Variants in DCLK1 observed in about 807,000 individuals in gnomAD.
DCLK1 encodes the protein serine/threonine-protein kinase DCLK1.
A neutral mutation model predicts 86.2 loss-of-function variants in DCLK1; 16 were observed. The ratio of observed to expected loss-of-function variants is 0.19; its 90% CI spans 0.13 to 0.28. The LOEUF (loss-of-function observed/expected upper bound fraction) is 0.28, where lower values mean the gene tolerates loss of function less well. Among genes scored for constraint, DCLK1 ranks in the 10% least tolerant of loss-of-function variants. DCLK1 has a pLI of 1.00. For missense variants in DCLK1, 590 were observed against 940.2 expected (o/e 0.63, Z 4.87); for synonymous variants, 369 against 370.5 (o/e 1.00, Z 0.05).
chr13:35,919,187 C>T lies in DCLK1; in HGVS notation c.823+28171G>A, dbSNP rs534148620. On this transcript the variant is annotated intron_variant, in intron 4 of 16. Coordinates refer to ENST00000360631, the MANE Select transcript of DCLK1 (RefSeq NM_001330071.2). ...GATTACAGCCATCAGCCACCACACT[C>T]GGCCCCCAAGAGTTTTAAAACAAGT... 3.4e-3 allele frequency among the ~76,000 whole-genome samples: 517 copies of T among 152,158 alleles called. 2 individuals are homozygous for T. The highest frequency in any genetic ancestry group is 5.1e-3 in the Non-Finnish European group (347 of 67,998).
chr13:36,125,837 A>G lies in DCLK1; in HGVS notation c.301T>C (p.Leu101=). 1 of 1,612,692 alleles carries G rather than the reference A, an allele frequency of 6.2e-7. No individual in the cohort carries two copies. The highest frequency in any genetic ancestry group is 8.5e-7 in the Non-Finnish European group (1 of 1,179,500). The stretch of plus-strand genomic sequence containing the variant: ...TAGATTGTTCTCACTCCCTGGGGCA[A>G]ATTCACGTTATCCGACAGAGTTCGG... ...LTRTLSDNVN[L]PQGVRTIYTI... is the part of the protein sequence containing the mutation. The change falls in exon 2 of 17, where the codon TTG becomes CTG. Residue 101 remains leucine (L), a synonymous_variant. Coordinates refer to ENST00000360631, the MANE Select transcript of DCLK1 (RefSeq NM_001330071.2).
At chr13:35,800,883 A>ATTTTTTT (rs34873101) in intron 15 of DCLK1, among the ~76,000 whole-genome samples, 1 of 135,298 alleles carries the variant, frequency 7.4e-6, no homozygotes, top group African/African-American at 2.8e-5. Context: ...TGCTGGGCTA[A>ATTTTTTT]TTTTTTTTTT....
At chr13:36,027,706 C>A (rs938839808) in intron 3 of DCLK1, among the ~76,000 whole-genome samples, 1 of 152,124 alleles carries the variant, frequency 6.6e-6, no homozygotes, top group Non-Finnish European at 1.5e-5. Flanking sequence ...TTAGCTGGGG[C>A]AATCAAATAT....
chr13:35,851,981 G>GTGCA (rs1294060186), intron 6 of DCLK1, among the ~76,000 whole-genome samples: 1 of 148,334 alleles, frequency 6.7e-6, no homozygotes, highest in East Asian at 2.0e-4. Flanking sequence ...GCGCGCGTGT[G>GTGCA]TGCATGTGTG....
chr13:36,053,816 G>C (rs909201250), intron 3 of DCLK1, among the ~76,000 whole-genome samples: 3 of 151,950 alleles, frequency 2.0e-5, no homozygotes, highest in South Asian at 4.1e-4. Flanking sequence ...AGATATCTAG[G>C]GGAAGAGATA....
At chr13:35,879,283 C>G (rs1872751427) in intron 4 of DCLK1, among the ~76,000 whole-genome samples, 1 of 152,178 alleles carries the variant, frequency 6.6e-6, no homozygotes, top group Non-Finnish European at 1.5e-5. Flanking sequence ...TTCCAGAACA[C>G]CCAGCTCAGT....
chr13:36,004,604 T>C (rs1236587253), intron 3 of DCLK1, among the ~76,000 whole-genome samples: 2 of 152,236 alleles, frequency 1.3e-5, no homozygotes, highest in African/African-American at 2.4e-5. Context: ...TTGTTTTGTT[T>C]CTTTTTTGAT....
chr13:35,847,767 G>C, intron 6 of DCLK1: 1 of 985,148 alleles, frequency 1.0e-6, no homozygotes, highest in Non-Finnish European at 1.2e-6. Context: ...AATGGTTTTA[G>C]AAAATGTTTT....
intron 3 of DCLK1, among the ~76,000 whole-genome samples, chr13:36,067,525 T>A (rs1045414470): frequency 1.1e-4 from 17 of 150,784 alleles, no homozygotes; most frequent in East Asian, 9.8e-4. Flanking sequence ...AACCTGCACA[T>A]TGTGCACATG....
intron 3 of DCLK1, among the ~76,000 whole-genome samples, chr13:35,981,909 A>T (rs936849326): frequency 7.2e-5 from 11 of 152,150 alleles, no homozygotes; most frequent in Admixed American, 2.0e-4. Flanking sequence ...TCCCATCAAC[A>T]GTGTACAAGA....
chr13:36,008,234 T>TAAA (rs1296545225), intron 3 of DCLK1, among the ~76,000 whole-genome samples: 1 of 109,848 alleles, frequency 9.1e-6, no homozygotes, highest in African/African-American at 3.7e-5. Flanking sequence ...ATTATTTTTT[T>TAAA]AATTATACTT....
At chr13:35,901,909 C>A (rs1313274143) in intron 4 of DCLK1, among the ~76,000 whole-genome samples, 1 of 151,366 alleles carries the variant, frequency 6.6e-6, no homozygotes, top group Non-Finnish European at 1.5e-5. Flanking sequence ...TTTGAGGGAG[C>A]ATTTGTGTGG....
chr13:35,975,938 G>A (rs1372495445), intron 3 of DCLK1, among the ~76,000 whole-genome samples: 1 of 152,170 alleles, frequency 6.6e-6, no homozygotes, highest in African/African-American at 2.4e-5. Flanking sequence ...AAGCCTCCCT[G>A]TAATGTGTCA....
At chr13:35,996,341 T>C (rs1319817895) in intron 3 of DCLK1, among the ~76,000 whole-genome samples, 1 of 152,254 alleles carries the variant, frequency 6.6e-6, no homozygotes, top group Non-Finnish European at 1.5e-5. Flanking sequence ...CAGCACCATG[T>C]GCAATGCCCA....
intron 3 of DCLK1, among the ~76,000 whole-genome samples, chr13:36,079,488 C>T (rs556291519): frequency 2.6e-4 from 39 of 151,890 alleles, no homozygotes; most frequent in African/African-American, 6.5e-4. Context: ...AAAAATTAGC[C>T]GGGCATGGTG....
At chr13:36,033,806 T>A (rs1282547883) in intron 3 of DCLK1, among the ~76,000 whole-genome samples, 1 of 152,156 alleles carries the variant, frequency 6.6e-6, no homozygotes, top group Admixed American at 6.5e-5. Flanking sequence ...ATGCCTGTAA[T>A]CCCAGCTACT....
intron 3 of DCLK1, among the ~76,000 whole-genome samples, chr13:36,015,924 C>T (rs1430284985): frequency 1.3e-5 from 2 of 152,116 alleles, no homozygotes; most frequent in Non-Finnish European, 2.9e-5. Context: ...TCTGCAAATC[C>T]AAGCATAAAC....
intron 2 of DCLK1, 26 bp downstream of exon 2, chr13:36,125,736 C>G (rs996042223): frequency 6.3e-7 from 1 of 1,596,140 alleles, no homozygotes; most frequent in South Asian, 1.1e-5. Flanking sequence ...TGTAGGGTCA[C>G]GTGGGGGTTA....
rs1211418456 is a variant in DCLK1, at chr13:35,826,830, G to A, written c.1407+805C>T. Among the ~76,000 whole-genome samples the A allele has an allele frequency of 3.3e-5, 5 of 152,198 alleles. No homozygotes were observed. The Middle Eastern group carries it at 0.01, about 317-fold the overall frequency. Reference sequence around the variant, plus strand: ...CTGGGAGCCTGAGGCGCCCCCTGGCGGTGCTCACAGCTGATGCAGAAGGCG... The same window carrying A: ...CTGGGAGCCTGAGGCGCCCCCTGGCAGTGCTCACAGCTGATGCAGAAGGCG... On this transcript the variant is annotated intron_variant, in intron 10 of 16. Transcript: ENST00000360631.
Sources: gnomAD v4.1 joint callset for allele counts (sites outside exome capture counted in the v4.1 genomes callset) on GRCh38, gnomAD v4.1.1 for gene constraint, MANE v1.5 for transcripts, NCBI Gene and HGNC (gene_info 2026-07-23, HGNC 2026-07-21) for gene names.